Variants in TAFA1 observed in about 807,000 individuals in gnomAD.
The protein encoded by TAFA1 is TAFA chemokine like family member 1.
TAFA1 carries 4 observed loss-of-function variants against 18.5 expected under a neutral mutation model. That is an observed-to-expected ratio of 0.22 (90% CI 0.11 to 0.49). The LOEUF is 0.49. Among genes scored for constraint, TAFA1 ranks in the 20% least tolerant of loss-of-function variants. TAFA1 has a pLI of 0.98. For synonymous variants in TAFA1, 56 were observed against 55.2 expected (o/e 1.01, Z -0.06); for missense variants, 147 against 169.0 (o/e 0.87, Z 0.72).
intron 3 of TAFA1, among the ~76,000 whole-genome samples, chr3:68,490,721 T>C (rs904657959): frequency 1.3e-5 from 2 of 152,198 alleles, no homozygotes; most frequent in African/African-American, 4.8e-5. Context: ...GGTTTATTGT[T>C]AAATAAATTT....
chr3:68,090,929 A>G (rs1480079207), intron 2 of TAFA1, among the ~76,000 whole-genome samples: 1 of 152,174 alleles, frequency 6.6e-6, no homozygotes, highest in East Asian at 1.9e-4. Flanking sequence ...CAGAATATTT[A>G]TGTGTTCAGA....
At chr3:68,340,821 T>A (rs1258503597) in intron 2 of TAFA1, among the ~76,000 whole-genome samples, 1 of 152,154 alleles carries the variant, frequency 6.6e-6, no homozygotes, top group East Asian at 1.9e-4. Flanking sequence ...AAGTTACAAT[T>A]TAATGAGGAA....
intron 2 of TAFA1, among the ~76,000 whole-genome samples, chr3:68,251,114 A>G (rs2067187723): frequency 6.6e-6 from 1 of 152,132 alleles, no homozygotes; most frequent in African/African-American, 2.4e-5. Context: ...TCTATTATAC[A>G]CCATTGTGGC....
rs117810053 is a variant in TAFA1 at position 68,355,020 on chromosome 3, C to T, written c.119-62260C>T. On this transcript the variant is annotated intron_variant, in intron 2 of 4. Coordinates refer to ENST00000478136, the MANE Select transcript of TAFA1 (RefSeq NM_213609.4). ...AATCCACTTCACTCATTTATATGGTCGTTCAGATCCCTGTGGAAATTTTGG... is the reference window on the plus strand; with the variant it reads ...AATCCACTTCACTCATTTATATGGTTGTTCAGATCCCTGTGGAAATTTTGG... 4.4e-3 allele frequency among the ~76,000 whole-genome samples: 674 copies of T among 152,054 alleles called. 8 individuals are homozygous for T. In the East Asian group the frequency reaches 0.047, roughly 11 times the overall value.
chr3:68,013,993 A>G (rs1193376360), intron 2 of TAFA1, among the ~76,000 whole-genome samples: 1 of 152,194 alleles, frequency 6.6e-6, no homozygotes, highest in Non-Finnish European at 1.5e-5. Context: ...TAGGTGTGGC[A>G]TTGTTCTACT....
rs1432678339 is a variant in TAFA1 at position 68,265,380 on chromosome 3, G to A, written c.119-151900G>A. 2.0e-5 allele frequency among the ~76,000 whole-genome samples: 3 copies of A among 152,170 alleles called. No homozygotes were observed. The East Asian group carries it at 5.8e-4, about 29-fold the overall frequency. ...ATGTGAGGTCCTTTCATGTGAAAAT[G>A]ACTCTCCATCATCAGGGTCACCTCA... is the stretch of plus-strand genomic sequence containing the variant. On this transcript the variant is annotated intron_variant, in intron 2 of 4. Coordinates refer to ENST00000478136, the MANE Select transcript of TAFA1 (RefSeq NM_213609.4).
intron 2 of TAFA1, among the ~76,000 whole-genome samples, chr3:68,146,558 G>T (rs912388011): frequency 8.5e-5 from 13 of 152,178 alleles, no homozygotes; most frequent in African/African-American, 3.1e-4. Context: ...CCCACATAAT[G>T]CATGGATGTA....
intron 3 of TAFA1, among the ~76,000 whole-genome samples, chr3:68,459,125 G>C (rs13076215): frequency 0.39 from 59,922 of 151,906 alleles, 12,568 homozygotes; most frequent in Non-Finnish European, 0.44. Flanking sequence ...TTGAGTGCAG[G>C]GTGCTCCCTG....
At chr3:68,299,541 C>T (rs986198525) in intron 2 of TAFA1, among the ~76,000 whole-genome samples, 1 of 152,310 alleles carries the variant, frequency 6.6e-6, no homozygotes, top group East Asian at 1.9e-4. Flanking sequence ...AGTAAAAACC[C>T]ATTTTCTGAG....
chr3:68,483,466 T>G lies in TAFA1; in HGVS notation c.260-55290T>G, dbSNP rs145207116. ...ACTGAACACTCTTTATGTGCTCAGT[T>G]GTAGCCTCTGATTAAGAAGTTATAT... On this transcript the variant is annotated intron_variant, in intron 3 of 4. Coordinates refer to ENST00000478136, the MANE Select transcript of TAFA1 (RefSeq NM_213609.4). Among the ~76,000 whole-genome samples, 487 of 152,340 alleles carry G rather than the reference T, an allele frequency of 3.2e-3. 2 individuals carry two copies. Among genetic ancestry groups the G allele is most frequent in the Middle Eastern group, 6.8e-3 (2 of 294 alleles).
intron 3 of TAFA1, among the ~76,000 whole-genome samples, chr3:68,458,179 A>G (rs1246787528): frequency 3.9e-5 from 6 of 152,040 alleles, no homozygotes; most frequent in African/African-American, 1.4e-4. Context: ...GTTTAAAAGT[A>G]TGTAGCACCT....
intron 3 of TAFA1, among the ~76,000 whole-genome samples, chr3:68,476,869 T>C (rs2072107060): frequency 6.6e-6 from 1 of 152,214 alleles, no homozygotes; most frequent in African/African-American, 2.4e-5. Flanking sequence ...AATGAGTATG[T>C]TCTATCATAA....
At chr3:68,311,065 T>C (rs574379824) in intron 2 of TAFA1, among the ~76,000 whole-genome samples, 23 of 152,250 alleles carry the variant, frequency 1.5e-4, no homozygotes, top group Non-Finnish European at 2.5e-4. Context: ...CTTACATGGA[T>C]GGTGGCAGGC....
chr3:68,404,234 A>G (rs1307339534), intron 2 of TAFA1, among the ~76,000 whole-genome samples: 3 of 152,196 alleles, frequency 2.0e-5, no homozygotes, highest in Admixed American at 1.3e-4. Flanking sequence ...CCCAAAATTC[A>G]ATCTCAAACA....
At chr3:68,368,903 G>A (rs551830304) in intron 2 of TAFA1, among the ~76,000 whole-genome samples, 9 of 152,284 alleles carry the variant, frequency 5.9e-5, no homozygotes, top group African/African-American at 1.7e-4. Context: ...TGTTTTCTCC[G>A]TGAATTAACT....
At chr3:68,059,042 G>A (rs1486932089) in intron 2 of TAFA1, among the ~76,000 whole-genome samples, 1 of 152,092 alleles carries the variant, frequency 6.6e-6, no homozygotes, top group Admixed American at 6.6e-5. Context: ...CACTTTCATG[G>A]TATAAATGAT....
At chr3:68,265,936 GA>G (rs1559588465) in intron 2 of TAFA1, among the ~76,000 whole-genome samples, 2 of 151,930 alleles carry the variant, frequency 1.3e-5, no homozygotes, top group African/African-American at 2.4e-5. Context: ...ATATTAAGAA[GA>G]AAAAAAATTG....
chr3:68,132,543 T>C (rs978909291), intron 2 of TAFA1, among the ~76,000 whole-genome samples: 1 of 152,168 alleles, frequency 6.6e-6, no homozygotes, highest in Non-Finnish European at 1.5e-5. Flanking sequence ...CATCTGTTGT[T>C]TCCTATTTCT....
intron 3 of TAFA1, among the ~76,000 whole-genome samples, chr3:68,422,388 CACG>C (rs2070972508): frequency 6.6e-6 from 1 of 152,054 alleles, no homozygotes; most frequent in East Asian, 1.9e-4. Flanking sequence ...GTTTATACAC[CACG>C]TTTGTCCTAA....
Sources: gnomAD v4.1 joint callset for allele counts (sites outside exome capture counted in the v4.1 genomes callset) on GRCh38, gnomAD v4.1.1 for gene constraint, MANE v1.5 for transcripts, NCBI Gene and HGNC (gene_info 2026-07-23, HGNC 2026-07-21) for gene names.